Variants in MYO5C observed in about 807,000 individuals in gnomAD.
MYO5C encodes myosin VC.
Under a neutral mutation model 235.7 loss-of-function variants are expected in MYO5C, and 194 were observed. The observed-to-expected ratio is 0.82, with a 90% confidence interval of 0.73 to 0.93. The LOEUF (loss-of-function observed/expected upper bound fraction) is 0.93, where lower values mean the gene tolerates loss of function less well. Ranked by LOEUF, MYO5C falls within the 40% of genes least tolerant of loss-of-function variation. The pLI is 0.00. For missense variants in MYO5C, 2,038 were observed against 2,127.2 expected (o/e 0.96, Z 0.82); for synonymous variants, 707 against 754.8 (o/e 0.94, Z 1.04).
intron 1 of MYO5C, among the ~76,000 whole-genome samples, chr15:52,291,456 C>T (rs1479932288): frequency 6.6e-6 from 1 of 152,196 alleles, no homozygotes; most frequent in Non-Finnish European, 1.5e-5. Flanking sequence ...TCACTCCTTT[C>T]TGAGGTTAAC....
At chr15:52,214,574 A>T in intron 33 of MYO5C, 29 bp downstream of exon 33, 1 of 1,500,544 alleles carries the variant, frequency 6.7e-7, no homozygotes, top group Admixed American at 2.0e-5. Flanking sequence ...TTAGCTCAAA[A>T]GAATAAGAAA....
chr15:52,227,990 A>G (rs1286812906), intron 25 of MYO5C, among the ~76,000 whole-genome samples: 2 of 152,216 alleles, frequency 1.3e-5, no homozygotes, highest in African/African-American at 4.8e-5. Flanking sequence ...ACGTAGGTAC[A>G]CTCAGGTTTA....
At chr15:52,235,494 G>A (rs982724440) in intron 23 of MYO5C, among the ~76,000 whole-genome samples, 176 bp downstream of exon 23, 1 of 152,174 alleles carries the variant, frequency 6.6e-6, no homozygotes, top group Non-Finnish European at 1.5e-5. Flanking sequence ...TAAAACAGAC[G>A]AATCTGTAGG....
At chr15:52,262,508 C>T (rs1322451132) in intron 9 of MYO5C, among the ~76,000 whole-genome samples, 1 of 152,110 alleles carries the variant, frequency 6.6e-6, no homozygotes, top group African/African-American at 2.4e-5. Flanking sequence ...GGGGATCTGC[C>T]ACTTCAGACA....
intron 1 of MYO5C, 76 bp from the exon 2 acceptor site, chr15:52,282,968 G>A: frequency 1.0e-6 from 1 of 955,194 alleles, no homozygotes; most frequent in Admixed American, 1.9e-5. Context: ...GACACAGGAA[G>A]GTTTCTTTCT....
rs370506101 is a variant in MYO5C at position 52,281,612 on chromosome 15, C to T, written c.138+1170G>A. Among the ~76,000 whole-genome samples the T allele has an allele frequency of 1.2e-4, 18 of 152,330 alleles. No individual in the cohort carries two copies. In the South Asian group the frequency reaches 3.3e-3, roughly 28 times the overall value. The stretch of plus-strand genomic sequence containing the variant: ...ATGCACACAGGATTGTCTCATCGCA[C>T]TTCAGCAACCCTGGGACGGTGCACA... On this transcript the variant is annotated intron_variant, in intron 2 of 40. Transcript: ENST00000261839.
At chr15:52,288,339 A>G (rs113338370) in intron 1 of MYO5C, among the ~76,000 whole-genome samples, 70 of 152,124 alleles carry the variant, frequency 4.6e-4, no homozygotes, top group Admixed American at 3.3e-4. Flanking sequence ...TCTCCTAACT[A>G]TAATTTAGGA....
chr15:52,237,924 CCG>C (rs1566973976), intron 21 of MYO5C, among the ~76,000 whole-genome samples: 15 of 151,966 alleles, frequency 9.9e-5, no homozygotes, highest in Non-Finnish European at 1.9e-4. Flanking sequence ...ACTGTGCCCC[CCG>C]CCAAAATTCA....
chr15:52,232,800 C>G (rs920736572), intron 23 of MYO5C, 115 bp from the exon 24 acceptor site: 26 of 887,770 alleles, frequency 2.9e-5, no homozygotes, highest in Non-Finnish European at 4.8e-5. Context: ...TTATTATTAA[C>G]AGGACTTACA....
At chr15:52,244,307 A>G in intron 19 of MYO5C, 49 bp downstream of exon 19, 1 of 1,570,638 alleles carries the variant, frequency 6.4e-7, no homozygotes. Context: ...GGAGATGATC[A>G]GCACAGAAAG....
intron 17 of MYO5C, 65 bp from the exon 18 acceptor site, chr15:52,245,530 G>C: frequency 9.0e-7 from 1 of 1,115,854 alleles, no homozygotes; most frequent in Non-Finnish European, 1.4e-6. Flanking sequence ...TGGGGACTCC[G>C]CTGCCTTACC....
At chr15:52,270,294 A>C (rs2036891084) in intron 7 of MYO5C, among the ~76,000 whole-genome samples, 1 of 152,066 alleles carries the variant, frequency 6.6e-6, no homozygotes, top group South Asian at 2.1e-4. Flanking sequence ...ACAAAACAAC[A>C]ACAAAAAAAA....
At chr15:52,214,445 C>T (rs1273212315) in intron 33 of MYO5C, among the ~76,000 whole-genome samples, 158 bp downstream of exon 33, 1 of 152,146 alleles carries the variant, frequency 6.6e-6, no homozygotes, top group Non-Finnish European at 1.5e-5. Flanking sequence ...CTTCCTGACC[C>T]AAAGGATCCT....
At chr15:52,223,889 A>G (rs2035758799) in intron 28 of MYO5C, among the ~76,000 whole-genome samples, 165 bp from the exon 29 acceptor site, 1 of 152,254 alleles carries the variant, frequency 6.6e-6, no homozygotes, top group Non-Finnish European at 1.5e-5. Flanking sequence ...GCCTAATTAT[A>G]AAATCTTCTA....
chr15:52,251,739 A>G (rs1490582163), intron 12 of MYO5C, among the ~76,000 whole-genome samples: 1 of 151,998 alleles, frequency 6.6e-6, no homozygotes, highest in Non-Finnish European at 1.5e-5. Context: ...ATCTTGGCTC[A>G]CTGCAACCTC....
At chr15:52,232,776 C>A in intron 23 of MYO5C, 91 bp from the exon 24 acceptor site, 1 of 1,116,048 alleles carries the variant, frequency 9.0e-7, no homozygotes, top group Non-Finnish European at 1.4e-6. Flanking sequence ...AATGTCAGGA[C>A]AATCATGTGA....
intron 36 of MYO5C, among the ~76,000 whole-genome samples, chr15:52,207,603 A>G (rs2035349300): frequency 6.6e-6 from 1 of 152,236 alleles, no homozygotes; most frequent in Admixed American, 6.5e-5. Context: ...AAAAGTTTAG[A>G]AGAGGATCTT....
intron 10 of MYO5C, among the ~76,000 whole-genome samples, chr15:52,258,098 G>T (rs2036620280): frequency 6.6e-6 from 1 of 152,200 alleles, no homozygotes; most frequent in Non-Finnish European, 1.5e-5. Context: ...CAAGGGCAGG[G>T]CTTTCTAGAA....
At chr15:52,269,714 GA>G in intron 8 of MYO5C, 38 bp downstream of exon 8, 1 of 1,288,110 alleles carries the variant, frequency 7.8e-7, no homozygotes, top group Non-Finnish European at 1.1e-6. Context: ...TTTTTTAAGA[GA>G]AAATGGCTAC....
Sources: allele counts gnomAD v4.1 joint callset (sites outside exome capture counted in the v4.1 genomes callset), GRCh38; gene constraint gnomAD v4.1.1; transcripts MANE v1.5; gene names NCBI Gene and HGNC (gene_info 2026-07-23, HGNC 2026-07-21).